AGO3: variants seen among roughly 807,000 people sequenced by gnomAD.
The protein encoded by AGO3 is argonaute RISC catalytic component 3.
AGO3 carries 16 observed loss-of-function variants against 105.5 expected under a neutral mutation model. That is an observed-to-expected ratio of 0.15 (90% confidence interval 0.10 to 0.23). AGO3 has a LOEUF of 0.23. Among genes scored for constraint, AGO3 ranks in the 10% least tolerant of loss-of-function variants. The probability of loss-of-function intolerance (pLI) is 1.00; values close to 1 mark genes in which losing one functional copy is unlikely to be tolerated. For synonymous variants in AGO3, 340 were observed against 367.3 expected (o/e 0.93, Z 0.85); for missense variants, 534 against 1,088.0 (o/e 0.49, Z 7.16).
intron 1 of AGO3, among the ~76,000 whole-genome samples, chr1:35,940,447 G>T (rs577068385): frequency 3.9e-5 from 6 of 152,290 alleles, no homozygotes; most frequent in African/African-American, 1.2e-4. Context: ...GTCTTAATCG[G>T]TAAGTTTTCT....
chr1:35,994,612 C>T (rs1004535418), intron 5 of AGO3, among the ~76,000 whole-genome samples: 10 of 152,142 alleles, frequency 6.6e-5, no homozygotes, highest in African/African-American at 2.2e-4. Flanking sequence ...AGACATAATA[C>T]TCTACATTAA....
chr1:35,983,600 TAAAAAG>T (rs1647100685), intron 5 of AGO3, among the ~76,000 whole-genome samples: 1 of 151,356 alleles, frequency 6.6e-6, no homozygotes, highest in African/African-American at 2.4e-5. Context: ...AATAAATAAA[TAAAAAG>T]AAAAACAACC....
chr1:35,977,203 A>T (rs955563823), intron 5 of AGO3, among the ~76,000 whole-genome samples: 1 of 149,478 alleles, frequency 6.7e-6, no homozygotes, highest in African/African-American at 2.5e-5. Flanking sequence ...TTGTATCAAA[A>T]GCTCGTGTAA....
chr1:36,021,884 CTT>C (rs946202077), intron 11 of AGO3, among the ~76,000 whole-genome samples: 57 of 150,830 alleles, frequency 3.8e-4, no homozygotes, highest in Admixed American at 1.9e-3. Flanking sequence ...TTTCCTCTCT[CTT>C]TTTTTTTGTG....
At position 36,055,598 on chromosome 1, in the gene AGO3, G is replaced by C. The variant is rs1642891803; in HGVS notation, c.2475-39G>C. 3 of 1,575,070 alleles carry C rather than the reference G, an allele frequency of 1.9e-6. No homozygotes were observed. The highest frequency in any genetic ancestry group is 2.2e-5 in the South Asian group (2 of 89,254). Reference sequence around the variant, plus strand: ...TTTTCGGAATTATTACATCAGAATAGAAAGTTTGTTTTTGTGTTCATTGCC... The same window carrying C: ...TTTTCGGAATTATTACATCAGAATACAAAGTTTGTTTTTGTGTTCATTGCC... On this transcript the variant is annotated intron_variant, in intron 18 of 18. Transcript: ENST00000373191. This position sits in a 1 kb window ranked among gnomAD's most constrained non-coding sequence, Gnocchi z 4.4.
chr1:35,959,010 C>T (rs1431867532), intron 2 of AGO3, among the ~76,000 whole-genome samples: 1 of 152,076 alleles, frequency 6.6e-6, no homozygotes, highest in African/African-American at 2.4e-5. Context: ...TTCATTCTGT[C>T]TTTTGGGAGC....
chr1:35,996,392 C>T (rs778507975), intron 5 of AGO3, among the ~76,000 whole-genome samples: 7 of 150,474 alleles, frequency 4.7e-5, no homozygotes, highest in South Asian at 2.1e-4. Context: ...AACAGAACAA[C>T]GCTTAGGTCC....
intron 11 of AGO3, 129 bp from the exon 12 acceptor site, chr1:36,026,985 T>G: frequency 9.6e-7 from 1 of 1,037,116 alleles, no homozygotes; most frequent in East Asian, 2.4e-5. Flanking sequence ...AGTAGTCTGG[T>G]GACCTCTCAT....
chr1:35,996,494 G>A (rs559608881), intron 5 of AGO3, among the ~76,000 whole-genome samples: 70 of 152,082 alleles, frequency 4.6e-4, no homozygotes, highest in African/African-American at 1.7e-3. Flanking sequence ...TGTGTGGTCG[G>A]GCACAGTGGC....
chr1:36,050,937 C>CCA (rs1569949550), intron 17 of AGO3, among the ~76,000 whole-genome samples: 1 of 152,040 alleles, frequency 6.6e-6, no homozygotes, highest in East Asian at 1.9e-4. Flanking sequence ...AGTGATCCTC[C>CCA]CACATCAGCC....
chr1:35,972,182 T>C lies in AGO3; in HGVS notation c.471T>C (p.Thr157=). ...EPLELDKPIS[T]NPVHAVDVVL... is the part of the protein sequence containing the mutation. ...TGGAATTAGACAAGCCAATCAGCAC[T>C]AACCCTGTCCATGCCGTTGATGTGG... The change falls in exon 4 of 19, where the codon ACT becomes ACC. Residue 157 remains threonine (T), a synonymous_variant. Transcript: ENST00000373191. 1 of 1,614,112 alleles carries C rather than the reference T, an allele frequency of 6.2e-7. No homozygotes were observed. The highest frequency in any genetic ancestry group is 1.3e-5 in the African/African-American group (1 of 75,048).
intron 2 of AGO3, among the ~76,000 whole-genome samples, chr1:35,965,244 C>G (rs1252752365): frequency 1.3e-5 from 2 of 152,006 alleles, no homozygotes; most frequent in Non-Finnish European, 2.9e-5. Context: ...CTAATCCCAG[C>G]ACTTTAGGAG....
At chr1:35,970,137 C>T (rs1340540472) in intron 3 of AGO3, among the ~76,000 whole-genome samples, 1 of 152,102 alleles carries the variant, frequency 6.6e-6, no homozygotes, top group East Asian at 1.9e-4. Context: ...TTGGCAAATG[C>T]AATTTTGAAA....
chr1:36,072,463 C>T lies in AGO3; in HGVS notation c.*16718C>T, dbSNP rs1643178144. 6.6e-6 allele frequency: 1 copy of T among 152,162 alleles called. No homozygotes were observed. Among genetic ancestry groups the T allele is most frequent in the South Asian group, 2.1e-4 (1 of 4,834 alleles). The allele number at this position is 152,162 out of a possible 1,614,324, so 9.4% of individuals were successfully genotyped here. ...GCTTCAGTTTGAAGTATAACTTTCA[C>T]TAATAACTGCAATAAAAAGAAAAGC... On this transcript the variant is annotated 3_prime_UTR_variant, in exon 19 of 19. Transcript: ENST00000373191.
chr1:35,973,758 T>C (rs1421408228), intron 5 of AGO3, among the ~76,000 whole-genome samples: 2 of 152,218 alleles, frequency 1.3e-5, no homozygotes, highest in East Asian at 1.9e-4. Context: ...GATGATTATC[T>C]GAGCAATCTT....
intron 5 of AGO3, among the ~76,000 whole-genome samples, chr1:35,994,408 T>C (rs1648066604): frequency 6.6e-6 from 1 of 152,130 alleles, no homozygotes; most frequent in Non-Finnish European, 1.5e-5. Flanking sequence ...TAAAAACACT[T>C]AGAAAAGCAT....
chr1:36,047,007 G>A (rs1243161616), intron 17 of AGO3, among the ~76,000 whole-genome samples: 1 of 152,174 alleles, frequency 6.6e-6, no homozygotes, highest in Non-Finnish European at 1.5e-5. Flanking sequence ...TACTTTGGGA[G>A]GCCGAGGCAG....
At chr1:36,033,578 G>A (rs556691090) in intron 12 of AGO3, among the ~76,000 whole-genome samples, 6 of 150,718 alleles carry the variant, frequency 4.0e-5, no homozygotes, top group South Asian at 2.1e-4. Flanking sequence ...TCAGGAGGTC[G>A]AGACTACAGT....
chr1:35,971,947 A>G (rs981290936), intron 3 of AGO3, 77 bp from the exon 4 acceptor site: 5 of 1,356,312 alleles, frequency 3.7e-6, no homozygotes, highest in Non-Finnish European at 4.1e-6. Context: ...TCTCTTAGAT[A>G]TTTTTATAAG....
Sources: gnomAD v4.1 joint callset for allele counts (sites outside exome capture counted in the v4.1 genomes callset) on GRCh38, gnomAD v4.1.1 for gene constraint, Gnocchi (gnomAD v3.1) non-coding constraint, MANE v1.5 for transcripts, NCBI Gene and HGNC (gene_info 2026-07-23, HGNC 2026-07-21) for gene names.